Variants in ANKRD28 observed in about 807,000 individuals in gnomAD.
ANKRD28 encodes the protein serine/threonine-protein phosphatase 6 regulatory ankyrin repeat subunit A.
Under a neutral mutation model 126.5 loss-of-function variants are expected in ANKRD28, and 44 were observed. That is an observed-to-expected ratio of 0.35 (90% confidence interval 0.27 to 0.45). The LOEUF (loss-of-function observed/expected upper bound fraction) is 0.45. Ranked by LOEUF, ANKRD28 falls within the 20% of genes least tolerant of loss-of-function variation. The pLI is 1.00. For missense variants in ANKRD28, 1,110 were observed against 1,316.6 expected (o/e 0.84, Z 2.43); for synonymous variants, 442 against 468.5 (o/e 0.94, Z 0.73).
intron 4 of ANKRD28, among the ~76,000 whole-genome samples, chr3:15,739,377 G>A (rs949744666): frequency 1.3e-5 from 2 of 152,150 alleles, no homozygotes; most frequent in East Asian, 3.8e-4. Context: ...CACAGTTTAT[G>A]TTCTTCTGCC....
intron 3 of ANKRD28, among the ~76,000 whole-genome samples, chr3:15,752,686 TA>T (rs1367480465): frequency 3.3e-5 from 5 of 152,232 alleles, no homozygotes; most frequent in Admixed American, 6.5e-5. Flanking sequence ...TCCCAAATCC[TA>T]AATCACTCAT....
rs112262385 is a variant in ANKRD28, at chr3:15,769,158, G to C, written c.202-2846C>G. On this transcript the variant is annotated intron_variant, in intron 2 of 27. Transcript: ENST00000683139. Reference sequence around the variant, plus strand: ...CATAGCACAACAACACAGAAAGTGAGTCATCTGTGTGTGAGGGATGTCTGG... The same window carrying C: ...CATAGCACAACAACACAGAAAGTGACTCATCTGTGTGTGAGGGATGTCTGG... Among the ~76,000 whole-genome samples the C allele has an allele frequency of 2.1e-3, 317 of 152,262 alleles. 2 individuals are homozygous for C. The highest frequency in any genetic ancestry group is 0.01 in the Middle Eastern group (3 of 292).
In ANKRD28 at chr3:15,850,224, T is replaced by TATATATATAG. The variant is rs1418223588; in HGVS notation, c.27+9152_27+9153insCTATATATAT. On this transcript the variant is annotated intron_variant, in intron 1 of 27. Coordinates refer to the ANKRD28 transcript ENST00000399451. ...AAAAAAATATATATATATATATATA[T>TATATATATAG]AGAGAGAGAGAGAGAGAGAGAGAGA... 1.6e-3 allele frequency among the ~76,000 whole-genome samples: 56 copies of TATATATATAG among 35,102 alleles called. 1 individual carries two copies. The highest frequency in any genetic ancestry group is 9.0e-3 in the East Asian group (6 of 666). 23.0% of individuals were successfully genotyped at this position (35,102 alleles called of 152,430 possible).
chr3:15,837,214 T>A (rs1187826084), intron 1 of ANKRD28, among the ~76,000 whole-genome samples: 1 of 151,862 alleles, frequency 6.6e-6, no homozygotes, highest in African/African-American at 2.4e-5. Context: ...CAATAATGAT[T>A]AGAGACTTCT....
intron 1 of ANKRD28, among the ~76,000 whole-genome samples, chr3:15,796,147 C>G (rs2060264496): frequency 6.6e-6 from 1 of 152,088 alleles, no homozygotes; most frequent in Non-Finnish European, 1.5e-5. Context: ...GCCATAACTA[C>G]TAATTCTCAA....
rs549828223 is a variant in ANKRD28, at chr3:15,856,076, G to T, written c.27+3301C>A. Among the ~76,000 whole-genome samples the T allele has an allele frequency of 9.9e-5, 15 of 152,180 alleles. 1 individual carries two copies. In the South Asian group the frequency reaches 1.5e-3, roughly 15 times the overall value. On this transcript the variant is annotated intron_variant, in intron 1 of 27. Coordinates refer to the ANKRD28 transcript ENST00000399451. ...GCAGTTATAAACTGGTTCCTTACTA[G>T]TCCCTTTTTAAAACCAAAGCATTAA...
At chr3:15,756,585 G>C in intron 3 of ANKRD28, 1 of 818,646 alleles carries the variant, frequency 1.2e-6, no homozygotes, top group Non-Finnish European at 1.5e-6. Context: ...GAGCAGGAGA[G>C]ATACGTGATC....
At chr3:15,779,498 G>C (rs1559518050) in intron 2 of ANKRD28, among the ~76,000 whole-genome samples, 1 of 152,114 alleles carries the variant, frequency 6.6e-6, no homozygotes, top group Non-Finnish European at 1.5e-5. Context: ...GACATACCAG[G>C]GCAGACAATA....
Position 15,830,865 on chromosome 3 carries a change from A to G in ANKRD28, c.27+28512T>C, listed in dbSNP as rs2061173487. ...ACCTCTGGAGGGGATGGAGACTAAC[A>G]TCAGCCACAGGTGTGGTCAACCATA... is the stretch of plus-strand genomic sequence containing the variant. On this transcript the variant is annotated intron_variant, in intron 1 of 27. Coordinates refer to the ANKRD28 transcript ENST00000399451. The surrounding 1 kb of genome is among the most constrained non-coding windows in gnomAD (Gnocchi z 4.5). 6.6e-6 allele frequency among the ~76,000 whole-genome samples: 1 copy of G among 152,222 alleles called. No individual in the cohort carries two copies. The highest frequency in any genetic ancestry group is 6.5e-5 in the Admixed American group (1 of 15,294).
intron 1 of ANKRD28, among the ~76,000 whole-genome samples, chr3:15,849,853 T>C (rs11712323): frequency 0.47 from 71,204 of 151,920 alleles, 19,503 homozygotes; most frequent in Non-Finnish European, 0.6. Flanking sequence ...AAGATCACCA[T>C]GTATACGGAA....
chr3:15,725,071 T>C (rs896174965), intron 6 of ANKRD28, among the ~76,000 whole-genome samples: 1 of 152,194 alleles, frequency 6.6e-6, no homozygotes, highest in African/African-American at 2.4e-5. Flanking sequence ...GTTGGCCCTC[T>C]GTATACACTA....
intron 1 of ANKRD28, among the ~76,000 whole-genome samples, chr3:15,844,473 T>C (rs1324196803): frequency 2.0e-5 from 3 of 152,052 alleles, no homozygotes; most frequent in African/African-American, 7.2e-5. Context: ...ACACCTCAAT[T>C]TCAAAACTAA....
At chr3:15,824,651 T>A (rs1039193535) in intron 1 of ANKRD28, among the ~76,000 whole-genome samples, 1 of 152,240 alleles carries the variant, frequency 6.6e-6, no homozygotes, top group African/African-American at 2.4e-5. Flanking sequence ...GATAGTTTGA[T>A]GACTAAGAAG....
chr3:15,817,631 C>G lies in ANKRD28; in HGVS notation c.28-22325G>C, dbSNP rs910759364. Among the ~76,000 whole-genome samples the G allele has an allele frequency of 2.0e-5, 3 of 151,994 alleles. No homozygotes were observed. Among genetic ancestry groups the G allele is most frequent in the African/African-American group, 7.2e-5 (3 of 41,380 alleles). ...CTAGTAAATAAAATTAACTAAGATT[C>G]CTTTGCTAAGTGATCGCTATACTGA... On this transcript the variant is annotated intron_variant, in intron 1 of 27. Transcript: ENST00000399451. The surrounding 1 kb of genome is among the most constrained non-coding windows in gnomAD (Gnocchi z 4.5).
At chr3:15,852,212 G>A (rs565729440) in intron 1 of ANKRD28, among the ~76,000 whole-genome samples, 2 of 152,232 alleles carry the variant, frequency 1.3e-5, no homozygotes, top group African/African-American at 2.4e-5. Context: ...CAATAATGCT[G>A]GTTAAAATAT....
chr3:15,692,598 G>A (rs1204188461), intron 17 of ANKRD28, among the ~76,000 whole-genome samples: 1 of 152,228 alleles, frequency 6.6e-6, no homozygotes, highest in Non-Finnish European at 1.5e-5. Context: ...ACTAAAATTA[G>A]GAATCAAGGC....
chr3:15,787,798 A>AT (rs935117344), intron 2 of ANKRD28, among the ~76,000 whole-genome samples: 2 of 152,208 alleles, frequency 1.3e-5, no homozygotes, highest in African/African-American at 4.8e-5. Flanking sequence ...AAAAGACTGT[A>AT]TTTGCTGAGC....
At chr3:15,850,076 A>G (rs1009312872) in intron 1 of ANKRD28, among the ~76,000 whole-genome samples, 2 of 151,614 alleles carry the variant, frequency 1.3e-5, no homozygotes, top group Admixed American at 1.3e-4. Flanking sequence ...CCCAGAAATA[A>G]ACTCCCACAT....
In ANKRD28 at chr3:15,830,237, T is replaced by C. The variant is rs999520298; in HGVS notation, c.27+29140A>G. ...AAAAACGCATATAACATTTTATTATTATGATAACAGTTTTGACTTTAGGGA... is the reference window on the plus strand; with the variant it reads ...AAAAACGCATATAACATTTTATTATCATGATAACAGTTTTGACTTTAGGGA... On this transcript the variant is annotated intron_variant, in intron 1 of 27. Transcript: ENST00000399451. This position sits in a 1 kb window ranked among gnomAD's most constrained non-coding sequence, Gnocchi z 4.5. Among the ~76,000 whole-genome samples, 1 of 152,320 alleles carries C rather than the reference T, an allele frequency of 6.6e-6. No homozygotes were observed. The highest frequency in any genetic ancestry group is 1.9e-4 in the East Asian group (1 of 5,188).
Sources: gnomAD v4.1 joint callset for allele counts (sites outside exome capture counted in the v4.1 genomes callset) on GRCh38, gnomAD v4.1.1 for gene constraint, Gnocchi (gnomAD v3.1) non-coding constraint, MANE v1.5 for transcripts, NCBI Gene and HGNC (gene_info 2026-07-23, HGNC 2026-07-21) for gene names.